HUWE1: variants seen among roughly 807,000 people sequenced by gnomAD.
HUWE1 encodes HECT, UBA and WWE domain containing E3 ubiquitin protein ligase 1, also known as E3 ubiquitin-protein ligase HUWE1.
A neutral mutation model predicts 299.4 loss-of-function variants in HUWE1; 18 were observed. That is an observed-to-expected ratio of 0.06 (90% CI 0.04 to 0.09). The LOEUF (loss-of-function observed/expected upper bound fraction) is 0.09. HUWE1 is among the 10% of genes least tolerant of loss of function. The pLI is 1.00. For synonymous variants in HUWE1, 1,317 were observed against 1,286.1 expected, an observed-to-expected ratio of 1.02 and a Z score of -0.51; for missense variants, 1,832 against 3,462.3, an observed-to-expected ratio of 0.53 and a Z score of 11.82.
chrX:53,547,619 G>T (rs1556924053), intron 68 of HUWE1, 54 bp downstream of exon 68: 5 of 1,194,597 alleles, frequency 4.2e-6, no homozygotes, highest in Admixed American at 2.2e-5. Flanking sequence ...AAAAGGGGGT[G>T]AAGTGGGTGC....
intron 49 of HUWE1, among the ~76,000 whole-genome samples, chrX:53,566,855 A>ATGTAGAC (rs2062601726): frequency 9.0e-6 from 1 of 111,332 alleles, no homozygotes; most frequent in African/African-American, 3.3e-5. Flanking sequence ...AATTACATCA[A>ATGTAGAC]TGTAGACTGT....
chrX:53,587,792 TAATG>T (rs1374065177), intron 37 of HUWE1, among the ~76,000 whole-genome samples: 4 of 111,988 alleles, frequency 3.6e-5, no homozygotes, highest in African/African-American at 9.7e-5. Flanking sequence ...GTTTTAAAGA[TAATG>T]AGCCACAAAT....
At chrX:53,599,205 G>A (rs1214216460) in intron 29 of HUWE1, among the ~76,000 whole-genome samples, 2 of 112,454 alleles carry the variant, frequency 1.8e-5, no homozygotes, top group Admixed American at 1.9e-4. Context: ...GACAAAGCAA[G>A]GAGAGAGAAA....
In HUWE1 at chrX:53,539,818, G is replaced by A. The variant is rs1269602767; in HGVS notation, c.11477-6C>T. 2.2e-5 allele frequency: 27 copies of A among 1,203,846 alleles called. No homozygotes were observed. The highest frequency in any genetic ancestry group is 3.0e-5 in the Non-Finnish European group (27 of 891,585). ...CTGTGGGGTTCCATCGGAGGCTGGA[G>A]GGCACACAGAAGAGAGTCAGAAAGT... On this transcript the variant is annotated splice_polypyrimidine_tract_variant and splice_region_variant and intron_variant, in intron 74 of 83. Transcript: ENST00000262854.
chrX:53,549,239 C>T lies in HUWE1; in HGVS notation c.9755G>A (p.Gly3252Asp). 8.3e-7 allele frequency: 1 copy of T among 1,211,823 alleles called. No homozygotes were observed. The highest frequency in any genetic ancestry group is 1.1e-6 in the Non-Finnish European group (1 of 895,543). The change falls in exon 67 of 84, where the codon GGC (glycine) becomes GAC (aspartate). Residue 3252 changes from glycine (G) to aspartate (D), a missense_variant. This residue lies in a region of HUWE1 where 80 missense variants were observed against 142.1 expected (regional missense o/e 0.56). Transcript: ENST00000262854. ...TPKLTTSEEK[G>D]KKSSKSCGSS... The stretch of plus-strand genomic sequence containing the variant: ...CCCACAGCTCTTGCTCGACTTTTTG[C>T]CCTTTTCCTCACTTGTAGTGAGTTT...
At chrX:53,684,657 G>A (rs2070375609) in intron 2 of HUWE1, among the ~76,000 whole-genome samples, 1 of 112,317 alleles carries the variant, frequency 8.9e-6, no homozygotes, top group African/African-American at 3.2e-5. Flanking sequence ...CTGTCTCCAG[G>A]AATAACATAT....
chrX:53,556,260 T>A (rs1277087629), intron 60 of HUWE1: 1 of 344,919 alleles, frequency 2.9e-6, no homozygotes, highest in Non-Finnish European at 5.9e-6. Flanking sequence ...GTAAGTTGTA[T>A]AGTTATCTTC....
chrX:53,616,899 A>G lies in HUWE1; in HGVS notation c.1957+71T>C. ...CACCTAACCAGTAAAACGATGAGAG[A>G]GATGATCAAGGAAGAGTTTCCTTGC... On this transcript the variant is annotated intron_variant, in intron 21 of 83. Coordinates refer to ENST00000262854, the MANE Select transcript of HUWE1 (RefSeq NM_031407.7). 3.3e-6 allele frequency: 3 copies of G among 901,202 alleles called. No individual in the cohort carries two copies. The Admixed American group carries it at 7.4e-5, about 22-fold the overall frequency. The allele number at this position is 901,202 out of a possible 1,213,427, so 74.3% of individuals were successfully genotyped here. A position where few individuals can be genotyped will look rare whatever the true frequency, so the allele number is the denominator to read the frequency against.
At chrX:53,630,528 AAAG>A (rs1194501436) in intron 12 of HUWE1, among the ~76,000 whole-genome samples, 4 of 111,228 alleles carry the variant, frequency 3.6e-5, no homozygotes, top group Admixed American at 1.9e-4. Flanking sequence ...TGCCACAGTA[AAAG>A]AAGTTAAATG....
intron 6 of HUWE1, 48 bp from the exon 7 acceptor site, chrX:53,645,511 C>A: frequency 8.7e-7 from 1 of 1,154,774 alleles, no homozygotes; most frequent in Non-Finnish European, 1.2e-6. Flanking sequence ...GCACAACTGG[C>A]CTTGAAAACA....
intron 37 of HUWE1, 88 bp downstream of exon 37, chrX:53,588,294 C>T: frequency 9.9e-7 from 1 of 1,006,741 alleles, no homozygotes; most frequent in Non-Finnish European, 1.4e-6. Context: ...TTATTCTTCG[C>T]TTTATCGTCT....
At chrX:53,663,108 G>A (rs1557046196) in intron 3 of HUWE1, among the ~76,000 whole-genome samples, 1 of 112,409 alleles carries the variant, frequency 8.9e-6, no homozygotes, top group Non-Finnish European at 1.9e-5. Flanking sequence ...TGGTAATAGA[G>A]ACAATTTGAC....
chrX:53,616,899 A>ATCTCTTCCTT (rs2065837069), intron 21 of HUWE1, 71 bp downstream of exon 21: 1 of 899,558 alleles, frequency 1.1e-6, no homozygotes, highest in South Asian at 2.2e-5. Context: ...ACGATGAGAG[A>ATCTCTTCCTT]GATGATCAAG....
At chrX:53,584,980 G>A (rs781817361) in intron 40 of HUWE1, 32 bp downstream of exon 40, 33 of 1,206,969 alleles carry the variant, frequency 2.7e-5, no homozygotes, top group Non-Finnish European at 3.5e-5. Context: ...TGTGGTCCAC[G>A]GGTTAGACAA....
intron 3 of HUWE1, among the ~76,000 whole-genome samples, chrX:53,667,933 A>G (rs782318043): frequency 1.5e-4 from 17 of 111,806 alleles, no homozygotes; most frequent in East Asian, 8.4e-4. Context: ...GACACTGTCT[A>G]TCTAGCCATG....
intron 22 of HUWE1, 103 bp downstream of exon 22, chrX:53,615,641 G>A (rs782414884): frequency 1.7e-6 from 1 of 585,180 alleles, no homozygotes; most frequent in South Asian, 2.4e-5. Context: ...TGCTCTTACA[G>A]CTATAGCCCA....
At position 53,558,678 on chromosome X, in the gene HUWE1, C is replaced by G. The variant is rs782398306; in HGVS notation, c.8137G>C (p.Glu2713Gln). Residue 2713 changes from glutamate to glutamine, a missense_variant, in exon 59 of 84, where the codon GAG becomes CAG. By Grantham distance (29) the Glu-to-Gln change is conservative (BLOSUM62 2). Around this residue, in one of 15 missense-constraint regions of HUWE1, gnomAD observed 143 missense variants for 148.1 expected, o/e 0.97. Transcript: ENST00000262854. ...ACCTGTGCACTCTGATCCCTGTTCT[C>G]CTTATCTTCTTTGCCTTTATCAGTT... ...KITDKGKEDK[E>Q]NRDQSAQCTA... 8.3e-7 allele frequency: 1 copy of G among 1,211,031 alleles called. No homozygotes were observed. Among genetic ancestry groups the G allele is most frequent in the Admixed American group, 2.2e-5 (1 of 46,058 alleles).
intron 49 of HUWE1, among the ~76,000 whole-genome samples, chrX:53,566,133 G>GTATATATATATATA (rs71830310): frequency 2.6e-4 from 10 of 38,969 alleles, no homozygotes; most frequent in African/African-American, 7.7e-4. Context: ...GTGTGTGTGT[G>GTATATATATATATA]TATATATATA....
At chrX:53,570,453 G>A (rs781879142) in intron 47 of HUWE1, among the ~76,000 whole-genome samples, 2 of 112,388 alleles carry the variant, frequency 1.8e-5, no homozygotes, top group African/African-American at 3.2e-5. Flanking sequence ...TCTTAATTAA[G>A]TGCTATAAAC....
Sources: allele counts gnomAD v4.1 joint callset (sites outside exome capture counted in the v4.1 genomes callset), GRCh38; gene constraint gnomAD v4.1.1; regional missense constraint gnomAD v4.1.1; transcripts MANE v1.5; gene names NCBI Gene and HGNC (gene_info 2026-07-23, HGNC 2026-07-21).